Variants in HIPK2 observed in about 807,000 individuals in gnomAD.
HIPK2 encodes the protein homeodomain-interacting protein kinase 2.
HIPK2 carries 27 observed loss-of-function variants against 113.7 expected under a neutral mutation model. The observed-to-expected ratio is 0.24, with a 90% CI of 0.17 to 0.33. The LOEUF (loss-of-function observed/expected upper bound fraction) is 0.33, where lower values mean the gene tolerates loss of function less well. HIPK2 is among the 10% of genes least tolerant of loss of function. HIPK2 has a pLI of 1.00. For missense variants in HIPK2, 1,257 were observed against 1,588.0 expected, an observed-to-expected ratio of 0.79 and a Z score of 3.54; for synonymous variants, 631 against 642.2, an observed-to-expected ratio of 0.98 and a Z score of 0.26.
chr7:139,716,145 G>C lies in HIPK2; in HGVS notation c.890C>G (p.Pro297Arg). 1 of 1,613,998 alleles carries C rather than the reference G, an allele frequency of 6.2e-7. No homozygotes were observed. Among genetic ancestry groups the C allele is most frequent in the Non-Finnish European group, 8.5e-7 (1 of 1,179,908 alleles). ...GAGAACTGGGCGAATGTATTTGAGGGGCAAGGGGCTAAACTTGTTTTGCTT... is the reference window on the plus strand; with the variant it reads ...GAGAACTGGGCGAATGTATTTGAGGCGCAAGGGGCTAAACTTGTTTTGCTT... The part of the protein sequence containing the change: ...FLKQNKFSPL[P>R]LKYIRPVLQQ... The change falls in exon 2 of 15, where the codon CCC becomes CGC. Residue 297 changes from proline (P) to arginine (R), a missense_variant. By Grantham distance (103) the Pro-to-Arg change is moderately radical. This residue lies in a region of HIPK2 where 24 missense variants were observed against 18.1 expected (regional missense o/e 1.33). Coordinates refer to ENST00000406875, the MANE Select transcript of HIPK2 (RefSeq NM_022740.5). The surrounding 1 kb of genome is among the most constrained non-coding windows in gnomAD (Gnocchi z 9.3).
At chr7:139,734,065 G>C (rs570119688) in intron 1 of HIPK2, among the ~76,000 whole-genome samples, 1 of 152,338 alleles carries the variant, frequency 6.6e-6, no homozygotes, top group South Asian at 2.1e-4. Context: ...CATCCCTAAT[G>C]AGTCACAATT....
intron 2 of HIPK2, among the ~76,000 whole-genome samples, chr7:139,676,462 C>T (rs1802497281): frequency 6.6e-6 from 1 of 152,200 alleles, no homozygotes. Context: ...TTTGTGCTCA[C>T]CCAATGTGAT....
intron 1 of HIPK2, 97 bp from the exon 2 acceptor site, chr7:139,717,112 T>C: frequency 7.1e-7 from 1 of 1,399,804 alleles, no homozygotes; most frequent in South Asian, 1.5e-5. Context: ...GCTTGGGCCA[T>C]ACAGAATATA....
chr7:139,677,193 G>A (rs927783853), intron 2 of HIPK2, among the ~76,000 whole-genome samples: 54 of 149,296 alleles, frequency 3.6e-4, no homozygotes, highest in Non-Finnish European at 4.9e-4. Context: ...GGATGTGTGT[G>A]TATGTGTGTG....
At chr7:139,620,609 G>A in intron 6 of HIPK2, 46 bp from the exon 7 acceptor site, 3 of 1,604,988 alleles carry the variant, frequency 1.9e-6, no homozygotes, top group Non-Finnish European at 2.6e-6. Flanking sequence ...AAGGGGAGGG[G>A]AAGAGGGTAA....
At chr7:139,673,652 T>C (rs544608380) in intron 2 of HIPK2, among the ~76,000 whole-genome samples, 129 of 152,264 alleles carry the variant, frequency 8.5e-4, no homozygotes, top group African/African-American at 3.0e-3. Context: ...ATGTGGGGTC[T>C]TCCCTATCCT....
chr7:139,622,871 T>C (rs1800282075), intron 6 of HIPK2, among the ~76,000 whole-genome samples: 1 of 152,204 alleles, frequency 6.6e-6, no homozygotes, highest in African/African-American at 2.4e-5. Flanking sequence ...AAGTTCTGAA[T>C]TGGTTGCTGA....
At chr7:139,644,067 C>T (rs77854663) in intron 2 of HIPK2, among the ~76,000 whole-genome samples, 1 of 152,218 alleles carries the variant, frequency 6.6e-6, no homozygotes, top group African/African-American at 2.4e-5. Flanking sequence ...TTTGCAGAAG[C>T]ACCTATCAGC....
Position 139,653,935 on chromosome 7 carries a change from C to G in HIPK2, c.1104-22210G>C, listed in dbSNP as rs555531245. 2.3e-3 allele frequency among the ~76,000 whole-genome samples: 354 copies of G among 152,100 alleles called. 1 individual carries two copies. Among genetic ancestry groups the G allele is most frequent in the African/African-American group, 7.8e-3 (324 of 41,516 alleles). Reference sequence around the variant, plus strand: ...TTTAGTAGAGACGAGGTTTCACCATCTTTGCCAGGCTGGTCTCAAACTCCT... The same window carrying G: ...TTTAGTAGAGACGAGGTTTCACCATGTTTGCCAGGCTGGTCTCAAACTCCT... On this transcript the variant is annotated intron_variant, in intron 2 of 14. Coordinates refer to ENST00000406875, the MANE Select transcript of HIPK2 (RefSeq NM_022740.5).
intron 2 of HIPK2, among the ~76,000 whole-genome samples, chr7:139,665,481 T>C (rs1752497546): frequency 1.3e-5 from 2 of 152,164 alleles, no homozygotes; most frequent in African/African-American, 4.8e-5. Flanking sequence ...TCTTCCCCAT[T>C]TTCTTAGCTT....
rs535455394 is a variant in HIPK2, at chr7:139,768,831, G to A, written c.19+8774C>T. The stretch of plus-strand genomic sequence containing the variant: ...TAGCAAAGCTCCACTCGGCATTCTG[G>A]AGTGTTCTGGGGCTTCTGTGCACAC... On this transcript the variant is annotated intron_variant, in intron 1 of 14. Transcript: ENST00000406875. 3.9e-5 allele frequency among the ~76,000 whole-genome samples: 6 copies of A among 152,304 alleles called. No homozygotes were observed. The South Asian group carries it at 6.2e-4, about 16-fold the overall frequency.
In HIPK2 at chr7:139,716,513, T is replaced by G; in HGVS notation, c.522A>C (p.Lys174Asn). The change falls in exon 2 of 15, where the codon AAA becomes AAC. Residue 174 changes from lysine (K) to asparagine (N), a missense_variant. Transcript: ENST00000406875. This position sits in a 1 kb window ranked among gnomAD's most constrained non-coding sequence, Gnocchi z 9.3. ...ATATTSTATS[K>N]NSGSNSEGDY... ...CGCCCTCGCTGTTGGAGCCGCTGTT[T>G]TTGGAGGTGGCAGTAGACGTGGTGG... is the stretch of plus-strand genomic sequence containing the variant. 6.2e-7 allele frequency: 1 copy of G among 1,613,930 alleles called. No individual in the cohort carries two copies. Among genetic ancestry groups the G allele is most frequent in the Non-Finnish European group, 8.5e-7 (1 of 1,179,872 alleles).
intron 1 of HIPK2, among the ~76,000 whole-genome samples, chr7:139,734,533 C>G (rs1002230141): frequency 6.6e-6 from 1 of 152,232 alleles, no homozygotes; most frequent in African/African-American, 2.4e-5. Context: ...TTTCCACACC[C>G]TGCCCCCTAA....
At chr7:139,705,833 A>G (rs1794879218) in intron 2 of HIPK2, among the ~76,000 whole-genome samples, 1 of 152,044 alleles carries the variant, frequency 6.6e-6, no homozygotes, top group Non-Finnish European at 1.5e-5. Context: ...TAGTAAAAAA[A>G]AAAAAAAAAA....
In HIPK2 at chr7:139,714,056, G is replaced by A. The variant is rs992338054; in HGVS notation, c.1103+1876C>T. Among the ~76,000 whole-genome samples, 1 of 152,240 alleles carries A rather than the reference G, an allele frequency of 6.6e-6. No individual in the cohort carries two copies. Among genetic ancestry groups the A allele is most frequent in the Admixed American group, 6.5e-5 (1 of 15,292 alleles). On this transcript the variant is annotated intron_variant, in intron 2 of 14. Transcript: ENST00000406875. This position sits in a 1 kb window ranked among gnomAD's most constrained non-coding sequence, Gnocchi z 4.2. Reference sequence around the variant, plus strand: ...GGCTCTGGGGCCAGCGGGGCACAGAGTGGATGGCCTGGTCAGGACGAGGGA... The same window carrying A: ...GGCTCTGGGGCCAGCGGGGCACAGAATGGATGGCCTGGTCAGGACGAGGGA...
intron 12 of HIPK2, among the ~76,000 whole-genome samples, chr7:139,587,870 A>G (rs1260149510): frequency 6.6e-6 from 1 of 152,114 alleles, no homozygotes; most frequent in Non-Finnish European, 1.5e-5. Context: ...AAAGAGACCT[A>G]CACTCTAAAG....
intron 2 of HIPK2, among the ~76,000 whole-genome samples, chr7:139,674,475 G>C (rs749829754): frequency 3.3e-5 from 5 of 152,228 alleles, no homozygotes; most frequent in Non-Finnish European, 7.3e-5. Flanking sequence ...GAGCCTGAAA[G>C]AGCAAGGTTT....
intron 12 of HIPK2, among the ~76,000 whole-genome samples, chr7:139,596,030 A>T (rs1312777208): frequency 1.3e-5 from 2 of 152,192 alleles, no homozygotes; most frequent in South Asian, 4.1e-4. Context: ...CAGGAGGCCA[A>T]CTGTTCTAGA....
chr7:139,650,842 C>T (rs1040428592), intron 2 of HIPK2, among the ~76,000 whole-genome samples: 1 of 152,310 alleles, frequency 6.6e-6, no homozygotes, highest in African/African-American at 2.4e-5. Flanking sequence ...ACAAGGGTGA[C>T]CCACCTGGGA....
Sources: gnomAD v4.1 joint callset for allele counts (sites outside exome capture counted in the v4.1 genomes callset) on GRCh38, gnomAD v4.1.1 for gene constraint, gnomAD v4.1.1 regional missense constraint, Gnocchi (gnomAD v3.1) non-coding constraint, MANE v1.5 for transcripts, NCBI Gene and HGNC (gene_info 2026-07-23, HGNC 2026-07-21) for gene names.